SERPINA10: variants seen among roughly 807,000 people sequenced by gnomAD.
The protein encoded by SERPINA10 is protein Z-dependent protease inhibitor.
Under a neutral mutation model 28.0 loss-of-function variants are expected in SERPINA10, and 24 were observed. That is an observed-to-expected ratio of 0.86 (90% confidence interval 0.62 to 1.20). SERPINA10 has a LOEUF of 1.20. SERPINA10 is among the 50% of genes most tolerant of loss of function. The pLI is 0.00. For synonymous variants in SERPINA10, 207 were observed against 203.9 expected, an observed-to-expected ratio of 1.02 and a Z score of -0.13; for missense variants, 521 against 537.7, an observed-to-expected ratio of 0.97 and a Z score of 0.31.
rs1156674726 is a variant in SERPINA10, at chr14:94,281,152, C to T, written c.*2813G>A. ...TAGGAACAATTTTTAAGACTCGACA[C>T]TTGGCCGGGCGTGGTGGCTCATGCC... On this transcript the variant is annotated 3_prime_UTR_variant, in exon 5 of 5. Coordinates refer to ENST00000261994, the MANE Select transcript of SERPINA10 (RefSeq NM_001100607.3). 6.6e-6 allele frequency: 1 copy of T among 152,292 alleles called. No individual in the cohort carries two copies. The highest frequency in any genetic ancestry group is 1.5e-5 in the Non-Finnish European group (1 of 68,170). 9.4% of individuals were successfully genotyped at this position (152,292 alleles called of 1,614,324 possible). A position where few individuals can be genotyped will look rare whatever the true frequency, so the allele number is the denominator to read the frequency against.
rs1894883054 is a variant in SERPINA10 at position 94,280,918 on chromosome 14, C to T, written c.*3047G>A. On this transcript the variant is annotated 3_prime_UTR_variant, in exon 5 of 5. Transcript: ENST00000261994. ...AAAAATCATTTCTATTATTTGACTT[C>T]CTGAGCTTGAATATCTTAGTCTGGA... is the stretch of plus-strand genomic sequence containing the variant. The T allele has an allele frequency of 6.6e-6, 1 of 152,158 alleles. No homozygotes were observed. The highest frequency in any genetic ancestry group is 6.5e-5 in the Admixed American group (1 of 15,278). 9.4% of individuals were successfully genotyped at this position (152,158 alleles called of 1,614,324 possible). A position where few individuals can be genotyped will look rare whatever the true frequency, so the allele number is the denominator to read the frequency against.
rs1895224554 is a variant in SERPINA10 at position 94,293,204 on chromosome 14, G to C, written c.-66C>G. 6.5e-6 allele frequency: 1 copy of C among 153,548 alleles called. No homozygotes were observed. The highest frequency in any genetic ancestry group is 2.4e-5 in the African/African-American group (1 of 41,446). 9.5% of individuals were successfully genotyped at this position (153,548 alleles called of 1,614,324 possible). On this transcript the variant is annotated 5_prime_UTR_variant, in exon 1 of 5. Transcript: ENST00000261994. Reference sequence around the variant, plus strand: ...TGCCTCTTACCAGTGTGTGGCCTTGGGTCCTGGAAAAGTCCTTCATTTAGA... The same window carrying C: ...TGCCTCTTACCAGTGTGTGGCCTTGCGTCCTGGAAAAGTCCTTCATTTAGA...
Position 94,283,561 on chromosome 14 carries a change from A to G in SERPINA10, c.*404T>C, listed in dbSNP as rs528310830. ...CTTGCCCAATGTCTCCACACTGTCT[A>G]TGCTCCTCGCCCATGAGTCACTTAG... On this transcript the variant is annotated 3_prime_UTR_variant, in exon 5 of 5. Coordinates refer to ENST00000261994, the MANE Select transcript of SERPINA10 (RefSeq NM_001100607.3). 3.6e-5 allele frequency: 10 copies of G among 274,780 alleles called. No individual in the cohort carries two copies. In the Admixed American group the frequency reaches 4.0e-4, roughly 11 times the overall value. The allele number at this position is 274,780 out of a possible 1,614,324, so 17.0% of individuals were successfully genotyped here.
At chr14:94,290,731 T>A (rs1417589609) in intron 1 of SERPINA10, 88 bp from the exon 2 acceptor site, 10 of 1,432,270 alleles carry the variant, frequency 7.0e-6, no homozygotes, top group Non-Finnish European at 9.4e-6. Flanking sequence ...CCCTGCCTCC[T>A]TCCTGTGGCT....
At chr14:94,292,645 G>A in intron 1 of SERPINA10, 1 of 701,742 alleles carries the variant, frequency 1.4e-6, no homozygotes, top group Non-Finnish European at 2.6e-6. Flanking sequence ...AGTCTGCAGT[G>A]GTAGCCCAGT....
intron 3 of SERPINA10, among the ~76,000 whole-genome samples, chr14:94,286,578 C>G (rs1268549887): frequency 6.6e-6 from 1 of 152,194 alleles, no homozygotes; most frequent in Non-Finnish European, 1.5e-5. Context: ...CCTGCAGCCT[C>G]CTGGATGATG....
chr14:94,291,964 G>C (rs1895189475), intron 1 of SERPINA10, among the ~76,000 whole-genome samples: 1 of 152,202 alleles, frequency 6.6e-6, no homozygotes, highest in African/African-American at 2.4e-5. Context: ...TACTTCCACT[G>C]TGTTTCCCAA....
intron 3 of SERPINA10, 71 bp from the exon 4 acceptor site, chr14:94,286,329 A>G: frequency 6.4e-7 from 1 of 1,558,612 alleles, no homozygotes; most frequent in Non-Finnish European, 8.8e-7. Context: ...AAAGGTCACA[A>G]TTTTTGTTCT....
At chr14:94,285,973 T>C in intron 4 of SERPINA10, 135 bp downstream of exon 4, 1 of 1,078,658 alleles carries the variant, frequency 9.3e-7, no homozygotes. Context: ...CTGGGTGCTA[T>C]TTCAAGTATT....
chr14:94,287,614 T>C (rs1895056791), intron 3 of SERPINA10, among the ~76,000 whole-genome samples: 1 of 152,178 alleles, frequency 6.6e-6, no homozygotes, highest in Non-Finnish European at 1.5e-5. Flanking sequence ...AAAATCAGGT[T>C]GCTCCTCTAC....
At chr14:94,287,979 ATAGAATG>A (rs906632823) in intron 3 of SERPINA10, among the ~76,000 whole-genome samples, 11 of 151,978 alleles carry the variant, frequency 7.2e-5, no homozygotes, top group Non-Finnish European at 1.6e-4. Flanking sequence ...TCTTCCTTCA[ATAGAATG>A]TAAGCTGCAT....
intron 4 of SERPINA10, among the ~76,000 whole-genome samples, chr14:94,284,442 T>G (rs1236733000): frequency 6.6e-6 from 1 of 152,208 alleles, no homozygotes; most frequent in African/African-American, 2.4e-5. Flanking sequence ...GCATCAAATC[T>G]TTATTGAGCA....
rs999147496 is a variant in SERPINA10 at position 94,282,165 on chromosome 14, G to A, written c.*1800C>T. Reference sequence around the variant, plus strand: ...TTTTCATCAGTCCAGGTTATGGAATGATGAAAAGTCAGTATTTAGACTGCA... The same window carrying A: ...TTTTCATCAGTCCAGGTTATGGAATAATGAAAAGTCAGTATTTAGACTGCA... On this transcript the variant is annotated 3_prime_UTR_variant, in exon 5 of 5. Transcript: ENST00000261994. 1 of 151,552 alleles carries A rather than the reference G, an allele frequency of 6.6e-6. No homozygotes were observed. The highest frequency in any genetic ancestry group is 1.5e-5 in the Non-Finnish European group (1 of 67,712). The allele number at this position is 151,552 out of a possible 1,614,324, so 9.4% of individuals were successfully genotyped here.
chr14:94,291,210 C>T (rs1414672539), intron 1 of SERPINA10, among the ~76,000 whole-genome samples: 1 of 152,168 alleles, frequency 6.6e-6, no homozygotes, highest in Non-Finnish European at 1.5e-5. Context: ...CTACACAGTT[C>T]CTTGGAGGTC....
chr14:94,281,072 G>C lies in SERPINA10; in HGVS notation c.*2893C>G, dbSNP rs951041120. 6.6e-6 allele frequency: 1 copy of C among 152,198 alleles called. No individual in the cohort carries two copies. The highest frequency in any genetic ancestry group is 1.5e-5 in the Non-Finnish European group (1 of 68,034). 9.4% of individuals were successfully genotyped at this position (152,198 alleles called of 1,614,324 possible). A position where few individuals can be genotyped will look rare whatever the true frequency, so the allele number is the denominator to read the frequency against. ...ATGAATTAGATTAAGTCAGTAACCT[G>C]TTCTCAGTTGTTACAGCATATATAT... is the stretch of plus-strand genomic sequence containing the variant. On this transcript the variant is annotated 3_prime_UTR_variant, in exon 5 of 5. Coordinates refer to ENST00000261994, the MANE Select transcript of SERPINA10 (RefSeq NM_001100607.3).
chr14:94,284,544 C>T (rs1032032476), intron 4 of SERPINA10, among the ~76,000 whole-genome samples: 1 of 152,158 alleles, frequency 6.6e-6, no homozygotes, highest in Non-Finnish European at 1.5e-5. Flanking sequence ...TCCCTTGAGT[C>T]CTCTGACTTT....
chr14:94,292,899 A>G, intron 1 of SERPINA10: 1 of 533,180 alleles, frequency 1.9e-6, no homozygotes, highest in South Asian at 2.6e-5. Flanking sequence ...TGGGAAGGGG[A>G]GACCTGCTTA....
chr14:94,287,254 A>G (rs1200008939), intron 3 of SERPINA10, among the ~76,000 whole-genome samples: 2 of 152,160 alleles, frequency 1.3e-5, no homozygotes, highest in Admixed American at 1.3e-4. Flanking sequence ...TCTAATAGAT[A>G]TTTCTGATCC....
In SERPINA10 at chr14:94,293,199, C is replaced by T. The variant is rs1336455619; in HGVS notation, c.-61G>A. 1 of 154,022 alleles carries T rather than the reference C, an allele frequency of 6.5e-6. No individual in the cohort carries two copies. The highest frequency in any genetic ancestry group is 1.9e-4 in the East Asian group (1 of 5,250). 9.5% of individuals were successfully genotyped at this position (154,022 alleles called of 1,614,324 possible). On this transcript the variant is annotated 5_prime_UTR_variant, in exon 1 of 5. Transcript: ENST00000261994. ...CCCACTGCCTCTTACCAGTGTGTGGCCTTGGGTCCTGGAAAAGTCCTTCAT... is the reference window on the plus strand; with the variant it reads ...CCCACTGCCTCTTACCAGTGTGTGGTCTTGGGTCCTGGAAAAGTCCTTCAT...
Sources: allele counts gnomAD v4.1 joint callset (sites outside exome capture counted in the v4.1 genomes callset), GRCh38; gene constraint gnomAD v4.1.1; transcripts MANE v1.5; gene names NCBI Gene and HGNC (gene_info 2026-07-23, HGNC 2026-07-21).